Variants in SPAG9 observed in about 807,000 individuals in gnomAD.
SPAG9 encodes the protein sperm associated antigen 9, also known as C-Jun-amino-terminal kinase-interacting protein 4.
In SPAG9, 35 loss-of-function variants were observed where a neutral mutation model predicts 166.5. The ratio of observed to expected loss-of-function variants is 0.21; its 90% CI spans 0.16 to 0.28. SPAG9 has a LOEUF of 0.28. Among genes scored for constraint, SPAG9 ranks in the 10% least tolerant of loss-of-function variants. SPAG9 has a pLI of 1.00. For synonymous variants in SPAG9, 534 were observed against 565.5 expected, an observed-to-expected ratio of 0.94 and a Z score of 0.79; for missense variants, 1,235 against 1,603.3, an observed-to-expected ratio of 0.77 and a Z score of 3.92.
intron 1 of SPAG9, among the ~76,000 whole-genome samples, chr17:51,085,902 T>C (rs1412275278): frequency 6.6e-6 from 1 of 152,000 alleles, no homozygotes; most frequent in African/African-American, 2.4e-5. Context: ...TTTTCCCCAT[T>C]TATAAACACT....
At chr17:51,096,348 C>CA (rs573525604) in intron 1 of SPAG9, among the ~76,000 whole-genome samples, 52 of 134,284 alleles carry the variant, frequency 3.9e-4, no homozygotes, top group Admixed American at 9.9e-4. Context: ...GACTCTGTCT[C>CA]AAAAAAAAAC....
At position 51,107,020 on chromosome 17, in the gene SPAG9, T is replaced by C. The variant is rs548934430; in HGVS notation, c.303+13334A>G. 4.6e-5 allele frequency among the ~76,000 whole-genome samples: 7 copies of C among 150,638 alleles called. No individual in the cohort carries two copies. In the South Asian group the frequency reaches 1.5e-3, roughly 32 times the overall value. On this transcript the variant is annotated intron_variant, in intron 1 of 29. Coordinates refer to ENST00000262013, the MANE Select transcript of SPAG9 (RefSeq NM_001130528.3). ...GGAAGGCTGAGGCAGAAGAATCGCTTGAACCCGGGAGGCGGAGGTTGCAGC... is the reference window on the plus strand; with the variant it reads ...GGAAGGCTGAGGCAGAAGAATCGCTCGAACCCGGGAGGCGGAGGTTGCAGC...
chr17:51,041,328 G>A (rs1241205812), intron 5 of SPAG9, among the ~76,000 whole-genome samples, 173 bp downstream of exon 5: 1 of 152,028 alleles, frequency 6.6e-6, no homozygotes, highest in Non-Finnish European at 1.5e-5. Context: ...AAATAAAATA[G>A]TAAAAAACAC....
In SPAG9 at chr17:51,063,302, C is replaced by G. The variant is rs148597202; in HGVS notation, c.425-6820G>C. On this transcript the variant is annotated intron_variant, in intron 2 of 29. Transcript: ENST00000262013. Reference sequence around the variant, plus strand: ...TGGTGCATGCCTGTAATCTCAGCTACTTGGGAGGCTGAGGCAGGAGGATCG... The same window carrying G: ...TGGTGCATGCCTGTAATCTCAGCTAGTTGGGAGGCTGAGGCAGGAGGATCG... 4.5e-4 allele frequency among the ~76,000 whole-genome samples: 68 copies of G among 151,660 alleles called. No homozygotes were observed. In the East Asian group the frequency reaches 0.011, roughly 24 times the overall value.
At chr17:51,116,973 A>T (rs2049307353) in intron 1 of SPAG9, among the ~76,000 whole-genome samples, 1 of 152,094 alleles carries the variant, frequency 6.6e-6, no homozygotes, top group African/African-American at 2.4e-5. Flanking sequence ...AAGAATGGAG[A>T]GGTGTGTCAC....
chr17:50,999,327 T>C, intron 14 of SPAG9: 2 of 633,532 alleles, frequency 3.2e-6, no homozygotes, highest in Non-Finnish European at 5.1e-6. Context: ...AACCAGCCAA[T>C]CAGAAACTTA....
chr17:51,069,804 G>C (rs2047772229), intron 2 of SPAG9, among the ~76,000 whole-genome samples: 1 of 151,888 alleles, frequency 6.6e-6, no homozygotes, highest in South Asian at 2.1e-4. Flanking sequence ...AAAAAGCAAA[G>C]GAATGTTACA....
At chr17:50,994,019 A>T in intron 18 of SPAG9, 84 bp from the exon 19 acceptor site, 1 of 1,196,210 alleles carries the variant, frequency 8.4e-7, no homozygotes, top group African/African-American at 1.5e-5. Flanking sequence ...GTAAAAGGCA[A>T]TACTATTTCA....
At chr17:50,983,824 G>A (rs1404723670) in intron 24 of SPAG9, among the ~76,000 whole-genome samples, 1 of 152,004 alleles carries the variant, frequency 6.6e-6, no homozygotes, top group Non-Finnish European at 1.5e-5. Flanking sequence ...ATAATTTACT[G>A]TAAAGATTAA....
At chr17:50,993,209 G>A (rs931622755) in intron 19 of SPAG9, among the ~76,000 whole-genome samples, 2 of 150,722 alleles carry the variant, frequency 1.3e-5, no homozygotes, top group East Asian at 3.9e-4. Flanking sequence ...CCAGCTACTC[G>A]GGAGGCTGAG....
rs1379032239 is a variant in SPAG9 at position 50,995,564 on chromosome 17, G to A, written c.1969-31C>T. On this transcript the variant is annotated intron_variant, in intron 16 of 29. Coordinates refer to ENST00000262013, the MANE Select transcript of SPAG9 (RefSeq NM_001130528.3). ...AATGGTGGAAGGAGGAGTGAAAAAGGCACATTAGTAAGCCTCATCAAAAGT... is the reference window on the plus strand; with the variant it reads ...AATGGTGGAAGGAGGAGTGAAAAAGACACATTAGTAAGCCTCATCAAAAGT... 3.0e-6 allele frequency: 4 copies of A among 1,337,392 alleles called. No homozygotes were observed. In the Admixed American group the frequency reaches 6.7e-5, roughly 23 times the overall value. The allele number at this position is 1,337,392 out of a possible 1,614,324, so 82.8% of individuals were successfully genotyped here.
intron 6 of SPAG9, among the ~76,000 whole-genome samples, chr17:51,024,730 T>C (rs892057949): frequency 4.4e-5 from 6 of 137,554 alleles, no homozygotes; most frequent in Non-Finnish European, 9.6e-5. Context: ...AAAAAAAAAA[T>C]TGTACAATAC....
At chr17:50,985,045 C>T (rs1292557663) in intron 23 of SPAG9, 55 bp from the exon 24 acceptor site, 2 of 1,496,112 alleles carry the variant, frequency 1.3e-6, no homozygotes, top group African/African-American at 1.4e-5. Flanking sequence ...CAGAAGGGAC[C>T]ACATGCTACT....
Position 51,049,667 on chromosome 17 carries a change from G to A in SPAG9, c.496-2198C>T, listed in dbSNP as rs146976937. On this transcript the variant is annotated intron_variant, in intron 3 of 29. Transcript: ENST00000262013. ...GTCGCCCAGGCTGGAGTACAGTGGCGCGATCTCGGCTTATTGCAATCTCTG... is the reference window on the plus strand; with the variant it reads ...GTCGCCCAGGCTGGAGTACAGTGGCACGATCTCGGCTTATTGCAATCTCTG... Among the ~76,000 whole-genome samples, 983 of 152,182 alleles carry A rather than the reference G, an allele frequency of 6.5e-3. 6 individuals are homozygous for A. The highest frequency in any genetic ancestry group is 0.022 in the African/African-American group (923 of 41,518).
intron 6 of SPAG9, among the ~76,000 whole-genome samples, chr17:51,026,864 C>T (rs562718189): frequency 7.9e-5 from 12 of 151,624 alleles, no homozygotes; most frequent in Admixed American, 3.9e-4. Context: ...TTAGTAGAGA[C>T]GAGGTTTCTC....
rs1430272628 is a variant in SPAG9, at chr17:51,063,184, G to GT, written c.425-6703dup. Among the ~76,000 whole-genome samples, 7 of 152,238 alleles carry GT rather than the reference G, an allele frequency of 4.6e-5. No homozygotes were observed. In the East Asian group the frequency reaches 1.4e-3, roughly 30 times the overall value. On this transcript the variant is annotated intron_variant, in intron 2 of 29. Coordinates refer to ENST00000262013, the MANE Select transcript of SPAG9 (RefSeq NM_001130528.3). Reference sequence around the variant, plus strand: ...AGTACTTTGGGAAGCCGAGGCAGGCGTATCACCTGAGGTCAGGAGTTCAAG... The same window carrying GT: ...AGTACTTTGGGAAGCCGAGGCAGGCGTTATCACCTGAGGTCAGGAGTTCAAG...
intron 1 of SPAG9, among the ~76,000 whole-genome samples, chr17:51,098,406 A>AT (rs77854122): frequency 6.6e-6 from 1 of 151,184 alleles, no homozygotes; most frequent in Non-Finnish European, 1.5e-5. Context: ...ACCCTGAGTG[A>AT]TTTTTTTTTC....
At chr17:50,975,630 G>A (rs1485058462) in intron 27 of SPAG9, among the ~76,000 whole-genome samples, 1 of 151,904 alleles carries the variant, frequency 6.6e-6, no homozygotes, top group African/African-American at 2.4e-5. Context: ...GGAAAACAAA[G>A]TCTGAAAGAA....
intron 1 of SPAG9, among the ~76,000 whole-genome samples, chr17:51,101,841 T>C (rs187319238): frequency 1.3e-5 from 2 of 152,166 alleles, no homozygotes; most frequent in African/African-American, 4.8e-5. Context: ...GCCAGACTGT[T>C]CTCAAACTCC....
Sources: allele counts gnomAD v4.1 joint callset (sites outside exome capture counted in the v4.1 genomes callset), GRCh38; gene constraint gnomAD v4.1.1; transcripts MANE v1.5; gene names NCBI Gene and HGNC (gene_info 2026-07-23, HGNC 2026-07-21).